The following SGCE variants were observed in gnomAD, a reference collection of about 807,000 sequenced individuals.
SGCE encodes the protein epsilon-sarcoglycan.
A neutral mutation model predicts 57.8 loss-of-function variants in SGCE; 26 were observed. That is an observed-to-expected ratio of 0.45 (90% CI 0.33 to 0.62). The LOEUF is 0.62. Among genes scored for constraint, SGCE ranks in the 20% least tolerant of loss-of-function variants. The pLI, the probability that SGCE is intolerant of heterozygous loss-of-function variation, is 0.02. For missense variants in SGCE, 468 were observed against 548.6 expected (o/e 0.85, Z 1.47); for synonymous variants, 183 against 189.5 (o/e 0.97, Z 0.28).
chr7:94,628,781 A>C (rs1369141000), intron 2 of SGCE: 1 of 171,866 alleles, frequency 5.8e-6, no homozygotes, highest in African/African-American at 2.4e-5. Context: ...GTCTCATCAA[A>C]ACAAAAATAA....
chr7:94,610,041 A>G (rs1800761686), intron 5 of SGCE, among the ~76,000 whole-genome samples: 1 of 152,230 alleles, frequency 6.6e-6, no homozygotes, highest in South Asian at 2.1e-4. Flanking sequence ...GGAATAAGCT[A>G]TCGAGCCATG....
chr7:94,619,185 A>C (rs1802389850), intron 4 of SGCE: 1 of 473,542 alleles, frequency 2.1e-6, no homozygotes, highest in East Asian at 3.8e-5. Flanking sequence ...GGCTCATCAG[A>C]GGCTCATCAG....
chr7:94,606,646 G>GACT (rs1412187591), intron 5 of SGCE, among the ~76,000 whole-genome samples: 3 of 152,128 alleles, frequency 2.0e-5, no homozygotes, highest in Non-Finnish European at 2.9e-5. Flanking sequence ...GACACTTAGA[G>GACT]ACTACTTCAT....
At chr7:94,598,418 A>G (rs1280903922) in intron 9 of SGCE, 5 of 253,202 alleles carry the variant, frequency 2.0e-5, no homozygotes. Context: ...TAAACCAAAT[A>G]ATTCTAATAT....
chr7:94,639,352 C>A (rs928742628), intron 1 of SGCE: 3 of 1,530,532 alleles, frequency 2.0e-6, no homozygotes, highest in Non-Finnish European at 2.6e-6. Flanking sequence ...ATCTTTCATC[C>A]CAGCAGCCAT....
At chr7:94,637,857 G>A (rs1693076621) in intron 1 of SGCE, among the ~76,000 whole-genome samples, 1 of 152,194 alleles carries the variant, frequency 6.6e-6, no homozygotes, top group South Asian at 2.1e-4. Flanking sequence ...TCCTCGGTGA[G>A]GCACAAGGAA....
At chr7:94,615,077 T>G (rs1320368116) in intron 5 of SGCE, among the ~76,000 whole-genome samples, 1 of 152,188 alleles carries the variant, frequency 6.6e-6, no homozygotes, top group Non-Finnish European at 1.5e-5. Context: ...AAAGGGCAAT[T>G]CAGCCAGGCA....
intron 8 of SGCE, chr7:94,599,421 T>C (rs1798879448): frequency 7.0e-6 from 3 of 426,878 alleles, no homozygotes; most frequent in East Asian, 4.0e-5. Context: ...GAAATGCAGA[T>C]TGGAAATCAC....
chr7:94,648,189 G>A (rs1194661835), intron 1 of SGCE, among the ~76,000 whole-genome samples: 12 of 151,724 alleles, frequency 7.9e-5, no homozygotes, highest in Admixed American at 6.6e-4. Context: ...CCTGGCCAAC[G>A]TGGTGAAACT....
In SGCE at chr7:94,600,826, T is replaced by C; in HGVS notation, c.857A>G (p.Gln286Arg). The C allele has an allele frequency of 1.9e-6, 3 of 1,612,318 alleles. No individual in the cohort carries two copies. The highest frequency in any genetic ancestry group is 2.5e-6 in the Non-Finnish European group (3 of 1,179,406). Residue 286 changes from glutamine to arginine, a missense_variant, in exon 7 of 11, where the codon CAG (glutamine) becomes CGG (arginine). Coordinates refer to ENST00000648936, the MANE Select transcript of SGCE (RefSeq NM_003919.3). ...AATCCCCTCTCCACGAATCACTTCC[T>C]GATAGGTGGACACTTGCTTTGTTTT... The part of the protein sequence containing the change: ...VDKTKQVSTY[Q>R]EVIRGEGILP...
At chr7:94,615,427 G>T (rs1157834818) in intron 5 of SGCE, among the ~76,000 whole-genome samples, 4 of 150,886 alleles carry the variant, frequency 2.7e-5, no homozygotes, top group Non-Finnish European at 4.4e-5. Flanking sequence ...GATAGATAAA[G>T]GGCAATTCTG....
chr7:94,647,824 TG>T (rs1807317013), intron 1 of SGCE, among the ~76,000 whole-genome samples: 2 of 152,306 alleles, frequency 1.3e-5, no homozygotes, highest in South Asian at 4.1e-4. Flanking sequence ...AGTACTTCCT[TG>T]GAAGAGCCTT....
chr7:94,643,488 A>C (rs1042650908), intron 1 of SGCE, among the ~76,000 whole-genome samples: 2 of 152,190 alleles, frequency 1.3e-5, no homozygotes, highest in Non-Finnish European at 2.9e-5. Context: ...CATTTTTTAA[A>C]AGTTTGTATT....
chr7:94,637,942 G>A (rs1016056593), intron 1 of SGCE, among the ~76,000 whole-genome samples: 2 of 152,112 alleles, frequency 1.3e-5, no homozygotes, highest in African/African-American at 4.8e-5. Flanking sequence ...AAGGACACCG[G>A]GGACCCATAA....
intron 1 of SGCE, chr7:94,639,294 T>G: frequency 8.6e-7 from 1 of 1,165,912 alleles, no homozygotes; most frequent in Non-Finnish European, 1.2e-6. Context: ...GAAGCAGACA[T>G]TTAATTGGCT....
At chr7:94,631,217 T>A (rs1244455435) in intron 1 of SGCE, among the ~76,000 whole-genome samples, 1 of 151,940 alleles carries the variant, frequency 6.6e-6, no homozygotes, top group Non-Finnish European at 1.5e-5. Context: ...AAGAACAATG[T>A]ACTTACCAGC....
At chr7:94,603,742 A>G (rs1799632183) in intron 5 of SGCE, among the ~76,000 whole-genome samples, 1 of 151,674 alleles carries the variant, frequency 6.6e-6, no homozygotes, top group South Asian at 2.1e-4. Context: ...CAATATAAAC[A>G]TGCATCATAT....
chr7:94,639,994 C>T (rs1040647925), intron 1 of SGCE, among the ~76,000 whole-genome samples: 9 of 152,054 alleles, frequency 5.9e-5, no homozygotes, highest in African/African-American at 2.2e-4. Flanking sequence ...AATTACAAGA[C>T]ACCTTGTAAT....
At chr7:94,621,324 G>A (rs527388860) in intron 4 of SGCE, 10 of 152,306 alleles carry the variant, frequency 6.6e-5, no homozygotes, top group Admixed American at 2.0e-4. Context: ...AGAGGAACAA[G>A]CACTGCCTGG....
Sources: allele counts gnomAD v4.1 joint callset (sites outside exome capture counted in the v4.1 genomes callset), GRCh38; gene constraint gnomAD v4.1.1; transcripts MANE v1.5; gene names NCBI Gene and HGNC (gene_info 2026-07-23, HGNC 2026-07-21).